OPTN: variants seen among roughly 807,000 people sequenced by gnomAD.
The protein encoded by OPTN is E3-14.7K-interacting protein.
In OPTN, 54 loss-of-function variants were observed where a neutral mutation model predicts 70.4. The ratio of observed to expected loss-of-function variants is 0.77; its 90% CI spans 0.62 to 0.96. The LOEUF is 0.96. OPTN is among the 40% of genes least tolerant of loss of function. The pLI, the probability that OPTN is intolerant of heterozygous loss-of-function variation, is 0.00. For synonymous variants in OPTN, 256 were observed against 248.5 expected, an observed-to-expected ratio of 1.03 and a Z score of -0.28; for missense variants, 624 against 673.2, an observed-to-expected ratio of 0.93 and a Z score of 0.81.
chr10:13,104,757 T>C, intron 1 of OPTN: 2 of 650,242 alleles, frequency 3.1e-6, no homozygotes, highest in East Asian at 3.4e-5. Context: ...GATAACTTCT[T>C]GTCCATAAAT....
chr10:13,119,133 T>C, intron 7 of OPTN, 93 bp downstream of exon 7: 2 of 1,167,066 alleles, frequency 1.7e-6, no homozygotes, highest in South Asian at 1.3e-5. Context: ...ATTTAAAGTA[T>C]ACATTTCAGT....
intron 1 of OPTN, among the ~76,000 whole-genome samples, chr10:13,107,779 G>A (rs1298115432): frequency 6.6e-6 from 1 of 152,148 alleles, no homozygotes; most frequent in Non-Finnish European, 1.5e-5. Flanking sequence ...TGTAGAATGC[G>A]TGTGTGGGCC....
chr10:13,101,733 C>G (rs1193462102), intron 1 of OPTN, among the ~76,000 whole-genome samples: 1 of 152,202 alleles, frequency 6.6e-6, no homozygotes, highest in South Asian at 2.1e-4. Flanking sequence ...ACCCAGATGG[C>G]TTTGCAGTGA....
At position 13,136,784 on chromosome 10, in the gene OPTN, C is replaced by T. The variant is rs1003009434; in HGVS notation, c.1652C>T (p.Pro551Leu). Residue 551 changes from proline to leucine, a missense_variant, in exon 15 of 15, where the codon CCG becomes CTG. By Grantham distance (98) the Pro-to-Leu change is moderately conservative. Coordinates refer to ENST00000378747, the MANE Select transcript of OPTN (RefSeq NM_001008212.2). ...GACTGGCGGCAACAGCGGAATATTCCGATTCATTCCTGCCCCAAGTGTGGA... is the reference window on the plus strand; with the variant it reads ...GACTGGCGGCAACAGCGGAATATTCTGATTCATTCCTGCCCCAAGTGTGGA... ...DRDWRQQRNI[P>L]IHSCPKCGEV... is the part of the protein sequence containing the mutation. The T allele has an allele frequency of 7.4e-6, 12 of 1,614,144 alleles. No individual in the cohort carries two copies. Among genetic ancestry groups the T allele is most frequent in the Admixed American group, 5.0e-5 (3 of 60,016 alleles).
intron 6 of OPTN, chr10:13,116,545 T>C: frequency 1.6e-6 from 1 of 625,652 alleles, no homozygotes. Context: ...GGTTCCTGTT[T>C]GGCTCACACT....
chr10:13,135,108 A>G (rs1341907329), intron 14 of OPTN, among the ~76,000 whole-genome samples: 2 of 152,240 alleles, frequency 1.3e-5, no homozygotes, highest in Admixed American at 6.5e-5. Flanking sequence ...CAAGTAATGT[A>G]CTTAGAAGCA....
At chr10:13,131,857 T>G (rs974442041) in intron 12 of OPTN, among the ~76,000 whole-genome samples, 19 of 152,216 alleles carry the variant, frequency 1.2e-4, no homozygotes, top group African/African-American at 4.3e-4. Context: ...GGATTTGTGT[T>G]GTTTAAAGCA....
chr10:13,110,317 G>T lies in OPTN; in HGVS notation c.210G>T (p.Glu70Asp). 1 of 1,614,138 alleles carries T rather than the reference G, an allele frequency of 6.2e-7. No individual in the cohort carries two copies. The highest frequency in any genetic ancestry group is 1.3e-5 in the African/African-American group (1 of 75,026). The change falls in exon 4 of 15, where the codon GAG (glutamate) becomes GAT (aspartate). Residue 70 changes from glutamate (E) to aspartate (D), a missense_variant. Coordinates refer to ENST00000378747, the MANE Select transcript of OPTN (RefSeq NM_001008212.2). ...ATCAAGCCATGAAAGGGAGATTTGA[G>T]GAGCTTTCGGCCTGGACAGAGAAAC... ...LNNQAMKGRF[E>D]ELSAWTEKQK...
At chr10:13,135,454 C>T (rs764899691) in intron 14 of OPTN, among the ~76,000 whole-genome samples, 11 of 151,536 alleles carry the variant, frequency 7.3e-5, no homozygotes, top group African/African-American at 2.7e-4. Flanking sequence ...GTTAATTGGT[C>T]GCATCTAGGA....
intron 1 of OPTN, among the ~76,000 whole-genome samples, chr10:13,103,437 G>T (rs1381980559): frequency 4.6e-5 from 7 of 152,144 alleles, no homozygotes. Flanking sequence ...GTCCACTGGG[G>T]GGAAGTCAGT....
At chr10:13,122,064 G>A (rs1833363124) in intron 7 of OPTN, among the ~76,000 whole-genome samples, 1 of 152,154 alleles carries the variant, frequency 6.6e-6, no homozygotes, top group Non-Finnish European at 1.5e-5. Flanking sequence ...CATGTTCATG[G>A]AACACACATG....
chr10:13,102,442 T>C (rs932714509), intron 1 of OPTN, among the ~76,000 whole-genome samples: 1 of 152,150 alleles, frequency 6.6e-6, no homozygotes, highest in African/African-American at 2.4e-5. Flanking sequence ...AAGCCAGTCA[T>C]TTAGGAGGCT....
chr10:13,130,894 A>T (rs1042730492), intron 12 of OPTN, among the ~76,000 whole-genome samples: 3 of 152,152 alleles, frequency 2.0e-5, no homozygotes, highest in Non-Finnish European at 4.4e-5. Context: ...ATAATTTTTT[A>T]AAAATTACTT....
intron 6 of OPTN, 168 bp downstream of exon 6, chr10:13,116,508 CA>C: frequency 1.5e-6 from 1 of 680,542 alleles, no homozygotes; most frequent in East Asian, 2.7e-5. Flanking sequence ...TGTTGCAGCT[CA>C]AACTGGCAAA....
At chr10:13,101,638 A>G (rs1832750892) in intron 1 of OPTN, among the ~76,000 whole-genome samples, 1 of 152,232 alleles carries the variant, frequency 6.6e-6, no homozygotes, top group Non-Finnish European at 1.5e-5. Context: ...AAAATATTTC[A>G]TTTAGAAAGA....
chr10:13,129,292 A>G (rs1833540062), intron 12 of OPTN, among the ~76,000 whole-genome samples: 2 of 151,132 alleles, frequency 1.3e-5, no homozygotes, highest in East Asian at 1.9e-4. Flanking sequence ...ATTTTGTTCT[A>G]TTTTATTGGT....
At chr10:13,128,409 G>A (rs899294565) in intron 12 of OPTN, among the ~76,000 whole-genome samples, 11 of 145,022 alleles carry the variant, frequency 7.6e-5, no homozygotes, top group African/African-American at 2.8e-4. Context: ...CATTTAATTT[G>A]CATTTCCCTG....
At chr10:13,120,213 C>T (rs976463211) in intron 7 of OPTN, among the ~76,000 whole-genome samples, 3 of 151,802 alleles carry the variant, frequency 2.0e-5, no homozygotes, top group African/African-American at 7.3e-5. Context: ...TGGTCTCGAT[C>T]TCCTGACCTC....
intron 12 of OPTN, among the ~76,000 whole-genome samples, chr10:13,129,703 C>T (rs1833552095): frequency 6.6e-6 from 1 of 152,170 alleles, no homozygotes; most frequent in Non-Finnish European, 1.5e-5. Context: ...ACCAAGCTGT[C>T]TTCTAAAACT....
Sources: allele counts gnomAD v4.1 joint callset (sites outside exome capture counted in the v4.1 genomes callset), GRCh38; gene constraint gnomAD v4.1.1; transcripts MANE v1.5; gene names NCBI Gene and HGNC (gene_info 2026-07-23, HGNC 2026-07-21).